SLC30A8: variants seen among roughly 807,000 people sequenced by gnomAD.
SLC30A8 encodes solute carrier family 30 member 8, also known as proton-coupled zinc antiporter SLC30A8.
Under a neutral mutation model 36.9 loss-of-function variants are expected in SLC30A8, and 27 were observed. The ratio of observed to expected loss-of-function variants is 0.73; its 90% CI spans 0.54 to 1.01. The LOEUF (loss-of-function observed/expected upper bound fraction) is 1.01. SLC30A8 is among the 50% of genes least tolerant of loss of function. SLC30A8 has a pLI of 0.00. For missense variants in SLC30A8, 439 were observed against 452.0 expected (o/e 0.97, Z 0.26); for synonymous variants, 164 against 172.4 (o/e 0.95, Z 0.38).
intron 1 of SLC30A8, among the ~76,000 whole-genome samples, chr8:116,981,659 CAT>C (rs1282595496): frequency 6.6e-6 from 1 of 152,154 alleles, no homozygotes; most frequent in Admixed American, 6.6e-5. Flanking sequence ...TGGGTGAGAA[CAT>C]GTGGTATTTG....
In SLC30A8 at chr8:117,171,022, C is replaced by T. The variant is rs1823351947; in HGVS notation, c.830-12C>T. 6.4e-7 allele frequency: 1 copy of T among 1,574,516 alleles called. No individual in the cohort carries two copies. The highest frequency in any genetic ancestry group is 1.8e-5 in the Admixed American group (1 of 54,076). On this transcript the variant is annotated splice_polypyrimidine_tract_variant and intron_variant, in intron 6 of 7. Coordinates refer to ENST00000456015, the MANE Select transcript of SLC30A8 (RefSeq NM_173851.3). ...TGAATAACTACAGCCTCCATCTCTT[C>T]CCTTTTGTCAGGTGTGCCAAAGAGC...
chr8:117,113,689 C>G (rs1424489730), intron 2 of SLC30A8, among the ~76,000 whole-genome samples: 2 of 152,114 alleles, frequency 1.3e-5, no homozygotes, highest in Admixed American at 6.6e-5. Context: ...TGCTTCTTAG[C>G]TCTAGTTATA....
At chr8:117,144,773 C>A (rs549127453) in intron 1 of SLC30A8, among the ~76,000 whole-genome samples, 1 of 152,066 alleles carries the variant, frequency 6.6e-6, no homozygotes, top group Non-Finnish European at 1.5e-5. Context: ...TCCATTCTAG[C>A]GCTTCCCCAC....
chr8:117,159,062 G>T (rs1227153922), intron 4 of SLC30A8, among the ~76,000 whole-genome samples: 5 of 152,146 alleles, frequency 3.3e-5, no homozygotes, highest in Non-Finnish European at 4.4e-5. Context: ...GGAGAAATCG[G>T]CCTGGAGCCA....
intron 1 of SLC30A8, among the ~76,000 whole-genome samples, chr8:117,005,688 C>T (rs898651919): frequency 6.6e-6 from 1 of 152,076 alleles, no homozygotes; most frequent in African/African-American, 2.4e-5. Context: ...TACATTACCA[C>T]ATTCTTTCAA....
intron 2 of SLC30A8, among the ~76,000 whole-genome samples, chr8:117,077,193 C>T (rs1586475198): frequency 6.6e-6 from 1 of 152,234 alleles, no homozygotes; most frequent in African/African-American, 2.4e-5. Context: ...AGTCTATTCA[C>T]CCAATAAAGG....
chr8:117,065,754 G>A (rs1050273777), intron 2 of SLC30A8, among the ~76,000 whole-genome samples: 10 of 152,104 alleles, frequency 6.6e-5, no homozygotes, highest in Non-Finnish European at 1.2e-4. Context: ...CTCAATCCAG[G>A]AGGAAAAAGA....
chr8:117,062,516 G>A (rs116770600), intron 2 of SLC30A8, among the ~76,000 whole-genome samples: 158 of 152,268 alleles, frequency 1.0e-3, no homozygotes, highest in African/African-American at 3.4e-3. Flanking sequence ...AGGCAAGGGC[G>A]CTAAGCCATT....
At chr8:117,077,036 A>G (rs181946762) in intron 2 of SLC30A8, among the ~76,000 whole-genome samples, 1 of 152,176 alleles carries the variant, frequency 6.6e-6, no homozygotes, top group Non-Finnish European at 1.5e-5. Context: ...TTGAAGACCT[A>G]CTGGAATGTT....
chr8:117,061,119 A>G (rs1433966529), intron 2 of SLC30A8, among the ~76,000 whole-genome samples: 1 of 152,242 alleles, frequency 6.6e-6, no homozygotes, highest in African/African-American at 2.4e-5. Flanking sequence ...GTATAAATTG[A>G]TGAGCTTTCT....
At chr8:116,971,114 A>AAC (rs752527868) in intron 1 of SLC30A8, among the ~76,000 whole-genome samples, 11 of 152,140 alleles carry the variant, frequency 7.2e-5, no homozygotes, top group Admixed American at 1.3e-4. Context: ...CAACAACAAC[A>AAC]ACACACACAC....
At chr8:117,071,542 A>G (rs1427127754) in intron 2 of SLC30A8, among the ~76,000 whole-genome samples, 1 of 152,004 alleles carries the variant, frequency 6.6e-6, no homozygotes, top group Non-Finnish European at 1.5e-5. Flanking sequence ...AGTGCAGAAG[A>G]TTTTTAGTTT....
At chr8:117,023,884 C>G (rs932216690) in intron 1 of SLC30A8, among the ~76,000 whole-genome samples, 2 of 152,072 alleles carry the variant, frequency 1.3e-5, no homozygotes, top group African/African-American at 2.4e-5. Context: ...CATTATCACC[C>G]TAACTAACTT....
At chr8:117,065,148 A>G (rs1000021597) in intron 2 of SLC30A8, among the ~76,000 whole-genome samples, 5 of 152,172 alleles carry the variant, frequency 3.3e-5, no homozygotes, top group African/African-American at 2.4e-5. Context: ...AAAGATTGCA[A>G]CAGAAAACTG....
chr8:117,047,915 A>G (rs1323645460), intron 2 of SLC30A8, among the ~76,000 whole-genome samples: 1 of 152,200 alleles, frequency 6.6e-6, no homozygotes, highest in Non-Finnish European at 1.5e-5. Flanking sequence ...CTACACTCCC[A>G]CGAGTACCTT....
intron 2 of SLC30A8, among the ~76,000 whole-genome samples, chr8:117,054,935 G>A (rs1195864610): frequency 6.6e-6 from 1 of 152,008 alleles, no homozygotes; most frequent in Non-Finnish European, 1.5e-5. Context: ...TTTGATAAAG[G>A]AGAGCAAATG....
upstream of SLC30A8, chr8:117,130,142 A>C (rs1821068023): frequency 6.6e-6 from 1 of 152,018 alleles, no homozygotes; most frequent in South Asian, 2.1e-4. Context: ...CCAAAAGAAG[A>C]GATGAATTAG....
intron 2 of SLC30A8, among the ~76,000 whole-genome samples, chr8:117,099,198 T>C (rs1449713771): frequency 6.6e-6 from 1 of 152,158 alleles, no homozygotes; most frequent in Non-Finnish European, 1.5e-5. Context: ...TTGTGAACAG[T>C]CTTGGTTCTG....
Position 117,027,942 on chromosome 8 carries a change from A to C in SLC30A8, c.-265-11277A>C, listed in dbSNP as rs190225409. Among the ~76,000 whole-genome samples the C allele has an allele frequency of 3.4e-3, 523 of 152,282 alleles. 3 individuals are homozygous for C. The highest frequency in any genetic ancestry group is 0.012 in the African/African-American group (480 of 41,560). On this transcript the variant is annotated intron_variant, in intron 1 of 10. Transcript: ENST00000427715. ...CTAAGCCTAAGCTGCTTCACGTATA[A>C]AATATTTCATAGGATTATCCTGAGC...
Sources: gnomAD v4.1 joint callset for allele counts (sites outside exome capture counted in the v4.1 genomes callset) on GRCh38, gnomAD v4.1.1 for gene constraint, MANE v1.5 for transcripts, NCBI Gene and HGNC (gene_info 2026-07-23, HGNC 2026-07-21) for gene names.